The following ACTR5 variants were observed in gnomAD, a reference collection of about 807,000 sequenced individuals.
ACTR5 encodes actin-related protein 5.
Under a neutral mutation model 61.2 loss-of-function variants are expected in ACTR5, and 43 were observed. That is an observed-to-expected ratio of 0.70 (90% CI 0.55 to 0.91). The LOEUF (loss-of-function observed/expected upper bound fraction) is 0.91. ACTR5 is among the 40% of genes least tolerant of loss of function. The probability of loss-of-function intolerance (pLI) is 0.00; values close to 1 mark genes in which losing one functional copy is unlikely to be tolerated. For missense variants in ACTR5, 798 were observed against 782.2 expected (o/e 1.02, Z -0.24); for synonymous variants, 333 against 310.5 (o/e 1.07, Z -0.76).
rs765339462 is a variant in ACTR5 at position 38,756,030 on chromosome 20, C to A, written c.1167C>A (p.Ser389Arg). 1.9e-6 allele frequency: 3 copies of A among 1,611,988 alleles called. No homozygotes were observed. In the South Asian group the frequency reaches 3.3e-5, roughly 18 times the overall value. The change falls in exon 5 of 9, where the codon AGC becomes AGA. Residue 389 changes from serine to arginine, a missense_variant. By Grantham distance (110) the Ser-to-Arg change is moderately radical. Coordinates refer to ENST00000243903, the MANE Select transcript of ACTR5 (RefSeq NM_024855.4). ...ACCTCGAGGTGGATGTGGTAGACAG[C>A]AAGCCAGAGGTAACTTAGGGCCTTG... ...EVNLEVDVVD[S>R]KPETPDLEQL...
At chr20:38,766,071 A>T (rs958224329) in intron 6 of ACTR5, among the ~76,000 whole-genome samples, 167 bp from the exon 7 acceptor site, 1 of 152,232 alleles carries the variant, frequency 6.6e-6, no homozygotes, top group East Asian at 1.9e-4. Flanking sequence ...ACAGGTTGGA[A>T]GAAGGTAGGA....
chr20:38,748,923 T>G, intron 1 of ACTR5, 70 bp downstream of exon 1: 1 of 1,515,030 alleles, frequency 6.6e-7, no homozygotes, highest in Non-Finnish European at 8.8e-7. Flanking sequence ...CCGCTCACTC[T>G]GCTCTCGGAG....
intron 5 of ACTR5, 124 bp from the exon 6 acceptor site, chr20:38,765,278 C>G (rs963280474): frequency 7.1e-6 from 5 of 701,802 alleles, no homozygotes; most frequent in Non-Finnish European, 9.8e-6. Context: ...GAAAAATTTT[C>G]ATAGTTTTTA....
chr20:38,763,635 A>G (rs1361243374), intron 5 of ACTR5, among the ~76,000 whole-genome samples: 1 of 152,170 alleles, frequency 6.6e-6, no homozygotes, highest in African/African-American at 2.4e-5. Context: ...CTCTTCCCAC[A>G]TGTCCACTGC....
intron 4 of ACTR5, 100 bp from the exon 5 acceptor site, chr20:38,755,756 AG>A: frequency 7.8e-7 from 1 of 1,274,144 alleles, no homozygotes; most frequent in South Asian, 1.2e-5. Flanking sequence ...GGCTCTGGGC[AG>A]GGTAGGCCAG....
chr20:38,754,745 C>T (rs1343907386), intron 3 of ACTR5, among the ~76,000 whole-genome samples: 3 of 151,912 alleles, frequency 2.0e-5, no homozygotes, highest in East Asian at 3.9e-4. Flanking sequence ...CCCGCCACCA[C>T]GCATGGCTAA....
chr20:38,749,561 G>A (rs1437380036), intron 1 of ACTR5, among the ~76,000 whole-genome samples: 1 of 152,230 alleles, frequency 6.6e-6, no homozygotes, highest in Non-Finnish European at 1.5e-5. Context: ...CCATGGCAGG[G>A]TGTTGAGCTG....
At chr20:38,753,053 G>T (rs1407966841) in intron 3 of ACTR5, among the ~76,000 whole-genome samples, 2 of 152,104 alleles carry the variant, frequency 1.3e-5, no homozygotes, top group Non-Finnish European at 2.9e-5. Context: ...TTATTCCTGG[G>T]ATACAAAGAA....
At chr20:38,766,522 C>T in intron 7 of ACTR5, 145 bp downstream of exon 7, 1 of 1,107,674 alleles carries the variant, frequency 9.0e-7, no homozygotes, top group Non-Finnish European at 1.3e-6. Flanking sequence ...GATAGTATTC[C>T]CTTCATCTCT....
chr20:38,764,146 A>G (rs6124015), intron 5 of ACTR5, among the ~76,000 whole-genome samples: 25,930 of 152,142 alleles, frequency 0.17, 2,167 homozygotes, highest in Admixed American at 0.19. Context: ...CTAGAGAAGT[A>G]TATTTAAGTC....
intron 3 of ACTR5, among the ~76,000 whole-genome samples, chr20:38,754,061 G>A (rs967524645): frequency 6.6e-6 from 1 of 151,570 alleles, no homozygotes; most frequent in African/African-American, 2.4e-5. Flanking sequence ...TATTTCGCCC[G>A]GTTTATCTTA....
chr20:38,754,457 A>G (rs1256744322), intron 3 of ACTR5, among the ~76,000 whole-genome samples: 3 of 152,058 alleles, frequency 2.0e-5, no homozygotes, highest in African/African-American at 7.2e-5. Flanking sequence ...GGGGGCTCAT[A>G]GCTGTAATAC....
At position 38,771,763 on chromosome 20, in the gene ACTR5, G is replaced by A. The variant is rs1443386175; in HGVS notation, c.1771G>A (p.Ala591Thr). 5 of 1,613,840 alleles carry A rather than the reference G, an allele frequency of 3.1e-6. No individual in the cohort carries two copies. The Admixed American group carries it at 6.7e-5, about 22-fold the overall frequency. Reference sequence around the variant, plus strand: ...GGCCTCCCGCTCCTCAGATGCCCAGGCATCCAGCAAGGGCTCCGCTGCTGG... The same window carrying A: ...GGCCTCCCGCTCCTCAGATGCCCAGACATCCAGCAAGGGCTCCGCTGCTGG... ...KQASRSSDAQASSKGSAAGGG... is the reference protein window; with the variant it reads ...KQASRSSDAQTSSKGSAAGGG... The change falls in exon 9 of 9, where the codon GCA (alanine) becomes ACA (threonine). Residue 591 changes from alanine to threonine, a missense_variant. Transcript: ENST00000243903.
rs766963412 is a variant in ACTR5 at position 38,755,168 on chromosome 20, TG to T, written c.988del (p.Val330CysfsTer5). 3.7e-6 allele frequency: 6 copies of T among 1,607,372 alleles called. No individual in the cohort carries two copies. In the African/African-American group the frequency reaches 8.0e-5, roughly 22 times the overall value. On this transcript the variant is annotated frameshift_variant, in exon 4 of 9. Coordinates refer to ENST00000243903, the MANE Select transcript of ACTR5 (RefSeq NM_024855.4). LOFTEE classifies it high-confidence loss of function. ...AGGAGCGTCTGGACCGACTGCTATA[TG>T]TGCAGGTAATAGCAGACACAGGGAC... ...DQERLDRLLY[V>X]QELLEDGQMD...
intron 3 of ACTR5, among the ~76,000 whole-genome samples, chr20:38,753,823 GT>G (rs1017116287): frequency 3.0e-4 from 40 of 134,162 alleles, no homozygotes; most frequent in African/African-American, 1.1e-3. Context: ...TGTTCCTTCT[GT>G]TTATTGTTCC....
chr20:38,765,100 A>T (rs1306657772), intron 5 of ACTR5, among the ~76,000 whole-genome samples: 2 of 152,336 alleles, frequency 1.3e-5, no homozygotes, highest in South Asian at 2.1e-4. Flanking sequence ...TCATGCAAGC[A>T]GCAAGTCTTC....
intron 2 of ACTR5, 103 bp from the exon 3 acceptor site, chr20:38,752,028 C>T: frequency 7.7e-7 from 1 of 1,299,004 alleles, no homozygotes; most frequent in South Asian, 1.3e-5. Flanking sequence ...TCCTGCTGGT[C>T]TGTTTCTTCT....
In ACTR5 at chr20:38,765,428, G is replaced by T; in HGVS notation, c.1203G>T (p.Pro401=). The change falls in exon 6 of 9, where the codon CCG becomes CCT. Residue 401 remains proline (P), a synonymous_variant. Transcript: ENST00000243903. ...PETPDLEQLE[P]SLEDVESMND... ...CCCCTGACCTGGAGCAGCTGGAGCC[G>T]TCTTTGGAAGATGTGGAAAGCATGA... 2 of 1,614,142 alleles carry T rather than the reference G, an allele frequency of 1.2e-6. No individual in the cohort carries two copies. Among genetic ancestry groups the T allele is most frequent in the Non-Finnish European group, 1.7e-6 (2 of 1,180,010 alleles).
At chr20:38,761,831 A>G (rs1019613608) in intron 5 of ACTR5, 1 of 152,436 alleles carries the variant, frequency 6.6e-6, no homozygotes, top group African/African-American at 2.4e-5. Flanking sequence ...TGAGGCAACT[A>G]AGATGATCTT....
Sources: gnomAD v4.1 joint callset for allele counts (sites outside exome capture counted in the v4.1 genomes callset) on GRCh38, gnomAD v4.1.1 for gene constraint, MANE v1.5 for transcripts, NCBI Gene and HGNC (gene_info 2026-07-23, HGNC 2026-07-21) for gene names.